CEACAM1: variants seen among roughly 807,000 people sequenced by gnomAD.
CEACAM1 encodes the protein CEA cell adhesion molecule 1, also known as cell adhesion molecule CEACAM1.
A neutral mutation model predicts 49.1 loss-of-function variants in CEACAM1; 31 were observed. The observed-to-expected ratio is 0.63, with a 90% CI of 0.47 to 0.85. The LOEUF is 0.85. Among genes scored for constraint, CEACAM1 ranks in the 40% least tolerant of loss-of-function variants. CEACAM1 has a pLI of 0.00. For synonymous variants in CEACAM1, 244 were observed against 247.8 expected, an observed-to-expected ratio of 0.98 and a Z score of 0.14; for missense variants, 570 against 645.3, an observed-to-expected ratio of 0.88 and a Z score of 1.26.
Position 42,508,826 on chromosome 19 carries a change from G to T in CEACAM1, c.*283C>A. On this transcript the variant is annotated 3_prime_UTR_variant, in exon 9 of 9. Transcript: ENST00000161559. ...TAAAACAAGTCCAGGTTGGGAAAAG[G>T]GGAAGGGAGGGGAAGTTCTGGTCCC... 1 of 378,782 alleles carries T rather than the reference G, an allele frequency of 2.6e-6. No homozygotes were observed. Among genetic ancestry groups the T allele is most frequent in the Non-Finnish European group, 4.9e-6 (1 of 204,784 alleles). The allele number at this position is 378,782 out of a possible 1,614,324, so 23.5% of individuals were successfully genotyped here.
At position 42,509,012 on chromosome 19, in the gene CEACAM1, C is replaced by A; in HGVS notation, c.*97G>T. ...AAGAGTAGGAGAAAGTTGTTTCTGT[C>A]CCCACCCCTCTACCCCTACAGGGGA... On this transcript the variant is annotated 3_prime_UTR_variant, in exon 9 of 9. Transcript: ENST00000161559. 1.3e-6 allele frequency: 2 copies of A among 1,492,228 alleles called. No homozygotes were observed. Among genetic ancestry groups the A allele is most frequent in the Non-Finnish European group, 1.8e-6 (2 of 1,085,786 alleles). 92.4% of individuals were successfully genotyped at this position (1,492,228 alleles called of 1,614,324 possible). A position where few individuals can be genotyped will look rare whatever the true frequency, so the allele number is the denominator to read the frequency against.
chr19:42,527,495 C>G, intron 1 of CEACAM1, 95 bp from the exon 2 acceptor site: 1 of 1,416,078 alleles, frequency 7.1e-7, no homozygotes, highest in East Asian at 2.3e-5. Flanking sequence ...CTTCACCCCT[C>G]CACCTTGGAG....
At chr19:42,515,176 T>G in intron 5 of CEACAM1, 10 of 519,514 alleles carry the variant, frequency 1.9e-5, no homozygotes, top group Admixed American at 3.5e-5. Flanking sequence ...GGTGAGGGAA[T>G]TGCTTGAGCC....
chr19:42,514,957 T>A lies in CEACAM1; in HGVS notation c.1247-2478A>T, dbSNP rs185418670. ...GTGTGGTGTTTTGCTGAAGGTTTAT[T>A]ATTACATTAAATCTTTAAAATAACA... On this transcript the variant is annotated intron_variant, in intron 5 of 8. Transcript: ENST00000161559. The A allele has an allele frequency of 1.9e-5, 12 of 639,042 alleles. No individual in the cohort carries two copies. The East Asian group carries it at 3.3e-4, about 17-fold the overall frequency. The allele number at this position is 639,042 out of a possible 1,614,324, so 39.6% of individuals were successfully genotyped here.
Position 42,523,982 on chromosome 19 carries a change from A to AGAAGT in CEACAM1, c.425-1785_425-1781dup, listed in dbSNP as rs370623465. Among the ~76,000 whole-genome samples the AGAAGT allele has an allele frequency of 3.8e-4, 58 of 152,346 alleles. 1 individual carries two copies. Among genetic ancestry groups the AGAAGT allele is most frequent in the African/African-American group, 1.3e-3 (56 of 41,578 alleles). On this transcript the variant is annotated intron_variant, in intron 2 of 8. Transcript: ENST00000161559. The stretch of plus-strand genomic sequence containing the variant: ...AAGAGAGAAACGATGCCATATGAGG[A>AGAAGT]GAAGTGATGTATGTTATGTTAGTAA...
In CEACAM1 at chr19:42,521,930, C is replaced by T. The variant is rs1270865743; in HGVS notation, c.697G>A (p.Val233Ile). 2 of 1,614,148 alleles carry T rather than the reference C, an allele frequency of 1.2e-6. No homozygotes were observed. The highest frequency in any genetic ancestry group is 1.3e-5 in the African/African-American group (1 of 74,954). Residue 233 changes from valine (V) to isoleucine (I), a missense_variant, in exon 3 of 9, where the codon GTC (valine) becomes ATC (isoleucine). By Grantham distance (29) the Val-to-Ile change is conservative. Transcript: ENST00000161559. ...ANRSDPVTLN[V>I]TYGPDTPTIS... The stretch of plus-strand genomic sequence containing the variant: ...AGGAACAGAAGATACTCACAGGTGA[C>T]ATTCAAGGTGACTGGGTCACTGCGG...
chr19:42,527,297 G>A lies in CEACAM1; in HGVS notation c.168C>T (p.His56=). 1 of 1,614,078 alleles carries A rather than the reference G, an allele frequency of 6.2e-7. No homozygotes were observed. Among genetic ancestry groups the A allele is most frequent in the Non-Finnish European group, 8.5e-7 (1 of 1,179,964 alleles). ...AEGKEVLLLV[H]NLPQQLFGYS... ...AGCCAAAAAGTTGCTGGGGCAGATT[G>A]TGGACAAGGAGAAGAACCTCCTTCC... Residue 56 remains histidine, a synonymous_variant, in exon 2 of 9, where the codon CAC becomes CAT. Transcript: ENST00000161559.
chr19:42,509,673 C>G (rs962651498), intron 8 of CEACAM1, among the ~76,000 whole-genome samples: 3 of 151,942 alleles, frequency 2.0e-5, no homozygotes, highest in African/African-American at 7.3e-5. Flanking sequence ...GTCGCCCAGG[C>G]TGGAGTGCAA....
intron 5 of CEACAM1, among the ~76,000 whole-genome samples, chr19:42,512,888 G>A (rs914191796): frequency 4.6e-5 from 7 of 151,988 alleles, no homozygotes; most frequent in African/African-American, 1.7e-4. Flanking sequence ...GACTGGTCTT[G>A]AACTCCTGAC....
chr19:42,521,560 G>C, intron 3 of CEACAM1, 39 bp from the exon 4 acceptor site: 4 of 1,596,454 alleles, frequency 2.5e-6, no homozygotes, highest in Non-Finnish European at 3.4e-6. Context: ...GATGTCATCA[G>C]AGGGAAGGGG....
At position 42,509,164 on chromosome 19, in the gene CEACAM1, G is replaced by A. The variant is rs756531213; in HGVS notation, c.1526C>T (p.Ala509Val). 4 of 1,614,114 alleles carry A rather than the reference G, an allele frequency of 2.5e-6. No individual in the cohort carries two copies. In the East Asian group the frequency reaches 6.7e-5, roughly 27 times the overall value. ...EAQQPTQPTS[A>V]SPSLTATEII... is the part of the protein sequence containing the mutation. Reference sequence around the variant, plus strand: ...TTCTGTGGCTGTTAGGGATGGGGAGGCTGAAGTTGGTTGTGTGGGTTGCTG... The same window carrying A: ...TTCTGTGGCTGTTAGGGATGGGGAGACTGAAGTTGGTTGTGTGGGTTGCTG... The change falls in exon 9 of 9, where the codon GCC becomes GTC. Residue 509 changes from alanine (A) to valine (V), a missense_variant. By Grantham distance (64) the Ala-to-Val change is moderately conservative. Transcript: ENST00000161559.
chr19:42,511,665 A>G lies in CEACAM1; in HGVS notation c.1377-37T>C, dbSNP rs757200094. 11 of 1,599,930 alleles carry G rather than the reference A, an allele frequency of 6.9e-6. No individual in the cohort carries two copies. In the African/African-American group the frequency reaches 1.5e-4, roughly 21 times the overall value. ...TCAGAAACTGTGACTGCTATTCCCA[A>G]GCACAGGATCTTTGTTCCGTAAGTT... is the stretch of plus-strand genomic sequence containing the variant. On this transcript the variant is annotated intron_variant, in intron 6 of 8. Transcript: ENST00000161559.
intron 8 of CEACAM1, among the ~76,000 whole-genome samples, chr19:42,509,773 T>A (rs1031632127): frequency 1.3e-5 from 2 of 151,460 alleles, no homozygotes; most frequent in African/African-American, 4.9e-5. Context: ...ATTACAGGCA[T>A]CCACTACCAC....
At position 42,516,535 on chromosome 19, in the gene CEACAM1, A is replaced by G. The variant is rs2041603360; in HGVS notation, c.1246+2413T>C. 2.0e-5 allele frequency among the ~76,000 whole-genome samples: 3 copies of G among 152,232 alleles called. No homozygotes were observed. In the South Asian group the frequency reaches 6.2e-4, roughly 32 times the overall value. On this transcript the variant is annotated intron_variant, in intron 5 of 8. Transcript: ENST00000161559. Reference sequence around the variant, plus strand: ...TTGAAAAGACACCCCATTTTCATGGATTAGAAGACTTAATATTGTTAAGAT... The same window carrying G: ...TTGAAAAGACACCCCATTTTCATGGGTTAGAAGACTTAATATTGTTAAGAT...
At chr19:42,521,007 C>G in intron 4 of CEACAM1, 3 of 480,784 alleles carry the variant, frequency 6.2e-6, no homozygotes. Context: ...TGTGAAGCCC[C>G]TCCTGCTACA....
intron 5 of CEACAM1, among the ~76,000 whole-genome samples, chr19:42,513,459 C>T (rs184678046): frequency 7.2e-5 from 11 of 151,902 alleles, no homozygotes; most frequent in South Asian, 4.2e-4. Flanking sequence ...TAGCTGGGTG[C>T]GGTGGCAGGT....
intron 3 of CEACAM1, 134 bp from the exon 4 acceptor site, chr19:42,521,655 A>T (rs1024196464): frequency 1.6e-5 from 25 of 1,527,358 alleles, no homozygotes; most frequent in Admixed American, 2.1e-5. Context: ...CATTGTGTCC[A>T]CTGAGTCTGG....
chr19:42,524,048 C>T (rs1230458932), intron 2 of CEACAM1, among the ~76,000 whole-genome samples: 5 of 152,170 alleles, frequency 3.3e-5, no homozygotes, highest in Admixed American at 2.6e-4. Context: ...TGTGGAAATT[C>T]AGGTAAAAAG....
chr19:42,528,289 T>C, intron 1 of CEACAM1, 22 bp downstream of exon 1: 1 of 1,610,332 alleles, frequency 6.2e-7, no homozygotes, highest in African/African-American at 1.3e-5. Context: ...TTCCGCCCCT[T>C]CCCAGGGTGT....
Sources: allele counts gnomAD v4.1 joint callset (sites outside exome capture counted in the v4.1 genomes callset), GRCh38; gene constraint gnomAD v4.1.1; transcripts MANE v1.5; gene names NCBI Gene and HGNC (gene_info 2026-07-23, HGNC 2026-07-21).